Variants in TMEM132C observed in about 807,000 individuals in gnomAD.
The protein encoded by TMEM132C is transmembrane protein 132C.
In TMEM132C, 29 loss-of-function variants were observed where a neutral mutation model predicts 61.4. The observed-to-expected ratio is 0.47, with a 90% confidence interval of 0.35 to 0.64. The LOEUF (loss-of-function observed/expected upper bound fraction) is 0.64. Among genes scored for constraint, TMEM132C ranks in the 30% least tolerant of loss-of-function variants. TMEM132C has a pLI of 0.00. For synonymous variants in TMEM132C, 656 were observed against 633.1 expected (o/e 1.04, Z -0.54); for missense variants, 1,408 against 1,476.9 (o/e 0.95, Z 0.76).
chr12:128,503,069 G>A (rs1404232960), intron 2 of TMEM132C, among the ~76,000 whole-genome samples: 2 of 152,208 alleles, frequency 1.3e-5, no homozygotes, highest in African/African-American at 2.4e-5. Flanking sequence ...CAGGTTCTCA[G>A]AGCGATGGCA....
At chr12:128,578,228 C>A (rs1875193524) in intron 3 of TMEM132C, among the ~76,000 whole-genome samples, 1 of 152,202 alleles carries the variant, frequency 6.6e-6, no homozygotes, top group Non-Finnish European at 1.5e-5. Context: ...TCATCTTAAT[C>A]CTCTTTTGTA....
At chr12:128,592,821 C>T (rs1435784505) in intron 3 of TMEM132C, among the ~76,000 whole-genome samples, 1 of 152,204 alleles carries the variant, frequency 6.6e-6, no homozygotes, top group Non-Finnish European at 1.5e-5. Flanking sequence ...GTCATTGTCT[C>T]CATTCTTTGA....
rs541932258 is a variant in TMEM132C at position 128,697,358 on chromosome 12, C to T, written c.2064C>T (p.Asn688=). 37 of 1,551,242 alleles carry T rather than the reference C, an allele frequency of 2.4e-5. No individual in the cohort carries two copies. Among genetic ancestry groups the T allele is most frequent in the South Asian group, 6.0e-5 (5 of 84,018 alleles). The change falls in exon 8 of 9, where the codon AAC becomes AAT. Residue 688 remains asparagine, a synonymous_variant. Transcript: ENST00000435159. ...LSVALYPNAE[N]SKAVTAVVTA... is the part of the protein sequence containing the mutation. Reference sequence around the variant, plus strand: ...TCGCCCTTTACCCCAACGCAGAAAACAGCAAGGCCGTAACAGCTGTGGTCA... The same window carrying T: ...TCGCCCTTTACCCCAACGCAGAAAATAGCAAGGCCGTAACAGCTGTGGTCA...
chr12:128,390,814 A>G (rs755707650), intron 1 of TMEM132C, among the ~76,000 whole-genome samples: 4 of 152,154 alleles, frequency 2.6e-5, no homozygotes, highest in African/African-American at 7.2e-5. Flanking sequence ...GGCGCTGTCC[A>G]GGTGATCTGC....
chr12:128,281,121 G>C (rs780367978), intron 1 of TMEM132C, among the ~76,000 whole-genome samples: 17 of 152,190 alleles, frequency 1.1e-4, no homozygotes, highest in Non-Finnish European at 1.9e-4. Flanking sequence ...ATGAACAGGA[G>C]ACAGCATGAA....
chr12:128,435,016 C>T (rs1041462526), intron 2 of TMEM132C, among the ~76,000 whole-genome samples: 4 of 151,944 alleles, frequency 2.6e-5, no homozygotes, highest in South Asian at 2.1e-4. Context: ...CCAGCCCCTC[C>T]GAATGTGACT....
intron 3 of TMEM132C, among the ~76,000 whole-genome samples, chr12:128,600,262 G>A (rs1161870788): frequency 6.6e-6 from 1 of 152,170 alleles, no homozygotes; most frequent in East Asian, 1.9e-4. Context: ...TATTACAGGT[G>A]TGAGCCACCG....
At chr12:128,452,520 TA>T (rs201434611) in intron 2 of TMEM132C, among the ~76,000 whole-genome samples, 2,185 of 148,634 alleles carry the variant, frequency 0.015, 59 homozygotes, top group African/African-American at 0.051. Flanking sequence ...CTGTGTCTAC[TA>T]AAAATACAAA....
intron 1 of TMEM132C, among the ~76,000 whole-genome samples, chr12:128,286,062 CCTCTCTCT>C (rs138264526): frequency 1.1e-5 from 1 of 92,308 alleles, no homozygotes; most frequent in Middle Eastern, 8.2e-3. Context: ...TCTCTCCCTT[CCTCTCTCT>C]CTCTCTCTCT....
chr12:128,320,908 C>T (rs1021738508), intron 1 of TMEM132C, among the ~76,000 whole-genome samples: 8 of 151,652 alleles, frequency 5.3e-5, no homozygotes, highest in Non-Finnish European at 8.8e-5. Flanking sequence ...TCACCAATGT[C>T]CATTTTCGGA....
At chr12:128,285,630 A>T (rs935710289) in intron 1 of TMEM132C, among the ~76,000 whole-genome samples, 3 of 144,364 alleles carry the variant, frequency 2.1e-5, no homozygotes, top group African/African-American at 8.3e-5. Context: ...CGTCAAGGAC[A>T]TATTCATTCT....
At chr12:128,667,132 T>C (rs903053382) in intron 4 of TMEM132C, among the ~76,000 whole-genome samples, 2 of 152,142 alleles carry the variant, frequency 1.3e-5, no homozygotes, top group African/African-American at 4.8e-5. Flanking sequence ...CATACACATA[T>C]ACATATATGT....
At chr12:128,515,036 A>G (rs368044535) in intron 2 of TMEM132C, among the ~76,000 whole-genome samples, 2 of 152,256 alleles carry the variant, frequency 1.3e-5, no homozygotes, top group African/African-American at 4.8e-5. Context: ...GCAAAGTTGT[A>G]TAAGGCTTAC....
chr12:128,559,194 C>T (rs1407769525), intron 3 of TMEM132C, among the ~76,000 whole-genome samples: 1 of 151,878 alleles, frequency 6.6e-6, no homozygotes, highest in African/African-American at 2.4e-5. Context: ...CACACACACA[C>T]ATTTCCTCTC....
At chr12:128,387,100 C>T (rs925025239) in intron 1 of TMEM132C, among the ~76,000 whole-genome samples, 6 of 140,478 alleles carry the variant, frequency 4.3e-5, no homozygotes, top group Admixed American at 7.8e-5. Flanking sequence ...GTGAATGTAC[C>T]ACTGTACTGC....
intron 1 of TMEM132C, among the ~76,000 whole-genome samples, chr12:128,328,786 TAAAAAAAA>T (rs71069557): frequency 2.1e-5 from 2 of 94,228 alleles, no homozygotes; most frequent in African/African-American, 4.1e-5. Context: ...GATTCTGTCT[TAAAAAAAA>T]AAAAAAAAAA....
At chr12:128,659,809 C>T (rs1954367050) in intron 4 of TMEM132C, among the ~76,000 whole-genome samples, 1 of 152,202 alleles carries the variant, frequency 6.6e-6, no homozygotes, top group South Asian at 2.1e-4. Context: ...TCCCACTGTC[C>T]AGTGGCTTCT....
rs543119448 is a variant in TMEM132C at position 128,351,995 on chromosome 12, A to G, written c.86-62737A>G. On this transcript the variant is annotated intron_variant, in intron 1 of 8. Coordinates refer to ENST00000435159, the MANE Select transcript of TMEM132C (RefSeq NM_001136103.3). Reference sequence around the variant, plus strand: ...AGTGATCTGTAGGCCCAGGAGAGCCAGTGTTCCTGTCTGAAGGCTGTCAGG... The same window carrying G: ...AGTGATCTGTAGGCCCAGGAGAGCCGGTGTTCCTGTCTGAAGGCTGTCAGG... 2.6e-5 allele frequency among the ~76,000 whole-genome samples: 4 copies of G among 152,314 alleles called. No individual in the cohort carries two copies. In the South Asian group the frequency reaches 8.3e-4, roughly 32 times the overall value.
At chr12:128,488,533 T>C (rs948442933) in intron 2 of TMEM132C, among the ~76,000 whole-genome samples, 2 of 151,930 alleles carry the variant, frequency 1.3e-5, no homozygotes, top group Admixed American at 1.3e-4. Flanking sequence ...TGGTGGTGCA[T>C]GTCTGTAATC....
Sources: allele counts gnomAD v4.1 joint callset (sites outside exome capture counted in the v4.1 genomes callset), GRCh38; gene constraint gnomAD v4.1.1; transcripts MANE v1.5; gene names NCBI Gene and HGNC (gene_info 2026-07-23, HGNC 2026-07-21).